Variants in LIN52 observed in about 807,000 individuals in gnomAD.
LIN52 encodes protein lin-52 homolog.
Under a neutral mutation model 18.5 loss-of-function variants are expected in LIN52, and 4 were observed. The observed-to-expected ratio is 0.22, with a 90% CI of 0.11 to 0.49. The LOEUF is 0.49. Among genes scored for constraint, LIN52 ranks in the 20% least tolerant of loss-of-function variants. The pLI is 0.97. For missense variants in LIN52, 102 were observed against 139.5 expected (o/e 0.73, Z 1.35); for synonymous variants, 34 against 45.5 (o/e 0.75, Z 1.02).
chr14:74,114,027 C>T, intron 5 of LIN52: 1 of 350,700 alleles, frequency 2.9e-6, no homozygotes, highest in Non-Finnish European at 4.0e-6. Flanking sequence ...GTCACCCAGG[C>T]TGGAGTGCAA....
At chr14:74,193,971 T>A (rs183788717) in intron 5 of LIN52, among the ~76,000 whole-genome samples, 47 of 152,372 alleles carry the variant, frequency 3.1e-4, no homozygotes, top group Non-Finnish European at 2.1e-4. Context: ...GCATTGGAAT[T>A]GAAAAACTGA....
Position 74,199,148 on chromosome 14 carries a change from AGAG to A in LIN52, c.*172_*174del. On this transcript the variant is annotated 3_prime_UTR_variant, in exon 6 of 6. Transcript: ENST00000555028. ...ACACGTCTGAGGACATTCAGCAGCA[AGAG>A]AAGAATCTGCTCTACCCAAGGATCA... 1 of 542,396 alleles carries A rather than the reference AGAG, an allele frequency of 1.8e-6. No homozygotes were observed. The highest frequency in any genetic ancestry group is 3.3e-6 in the Non-Finnish European group (1 of 305,916). 33.6% of individuals were successfully genotyped at this position (542,396 alleles called of 1,614,324 possible).
intron 5 of LIN52, among the ~76,000 whole-genome samples, chr14:74,150,319 A>T (rs1243283881): frequency 6.6e-6 from 1 of 152,250 alleles, no homozygotes; most frequent in African/African-American, 2.4e-5. Flanking sequence ...ATTGATAAAG[A>T]ACATAGTAGA....
intron 5 of LIN52, among the ~76,000 whole-genome samples, chr14:74,124,810 CAA>C (rs5809648): frequency 2.2e-4 from 13 of 59,440 alleles, no homozygotes; most frequent in Admixed American, 6.1e-4. Context: ...GACCCTGTCT[CAA>C]AAAAAAAAAA....
intron 5 of LIN52, among the ~76,000 whole-genome samples, chr14:74,136,146 A>G (rs1355823722): frequency 6.6e-6 from 1 of 152,260 alleles, no homozygotes; most frequent in Non-Finnish European, 1.5e-5. Flanking sequence ...CAAAACCTAG[A>G]GTTATTGTGC....
chr14:74,095,018 C>T (rs2060798858), intron 2 of LIN52, among the ~76,000 whole-genome samples: 1 of 151,412 alleles, frequency 6.6e-6, no homozygotes, highest in South Asian at 2.1e-4. Flanking sequence ...CTCATCCTAT[C>T]ACCCAGGCTA....
chr14:74,146,869 A>G (rs1052875109), intron 5 of LIN52, among the ~76,000 whole-genome samples: 16 of 152,074 alleles, frequency 1.1e-4, no homozygotes, highest in Admixed American at 1.0e-3. Context: ...CCAGAAATAA[A>G]CCCCCATATT....
chr14:74,167,051 A>AT (rs1321839760), intron 5 of LIN52, among the ~76,000 whole-genome samples: 1 of 149,012 alleles, frequency 6.7e-6, no homozygotes, highest in African/African-American at 2.5e-5. Context: ...CAAGGCATGT[A>AT]TCCCCAAACC....
chr14:74,174,100 A>G (rs890323973), intron 5 of LIN52, among the ~76,000 whole-genome samples: 1 of 152,210 alleles, frequency 6.6e-6, no homozygotes, highest in Non-Finnish European at 1.5e-5. Context: ...AGCTCTAGAC[A>G]TCTCCCACTT....
intron 5 of LIN52, among the ~76,000 whole-genome samples, chr14:74,135,869 A>G (rs909985332): frequency 6.6e-6 from 1 of 151,546 alleles, no homozygotes; most frequent in African/African-American, 2.4e-5. Flanking sequence ...CACTTTGTTG[A>G]GATATCATTC....
intron 2 of LIN52, among the ~76,000 whole-genome samples, chr14:74,092,615 T>C (rs1192172095): frequency 6.6e-6 from 1 of 151,418 alleles, no homozygotes; most frequent in African/African-American, 2.4e-5. Flanking sequence ...CATTAATTAC[T>C]TTTTAAAACT....
intron 5 of LIN52, among the ~76,000 whole-genome samples, chr14:74,188,135 G>A (rs2061348389): frequency 1.3e-5 from 2 of 152,098 alleles, no homozygotes; most frequent in South Asian, 4.2e-4. Flanking sequence ...GAGATTTTTT[G>A]TATGTGCTTT....
intron 5 of LIN52, among the ~76,000 whole-genome samples, chr14:74,119,160 C>CTTTTTTTTTT (rs543503099): frequency 8.7e-6 from 1 of 115,446 alleles, no homozygotes; most frequent in East Asian, 2.5e-4. Context: ...GATTTTCTTT[C>CTTTTTTTTTT]TTTTTTTTTT....
chr14:74,088,764 G>A (rs2060751899), intron 1 of LIN52, among the ~76,000 whole-genome samples: 1 of 152,170 alleles, frequency 6.6e-6, no homozygotes, highest in African/African-American at 2.4e-5. Flanking sequence ...CAGAGATGTG[G>A]TTACCCAGAA....
intron 5 of LIN52, among the ~76,000 whole-genome samples, chr14:74,174,125 A>G (rs953531591): frequency 6.6e-6 from 1 of 152,196 alleles, no homozygotes; most frequent in Non-Finnish European, 1.5e-5. Context: ...AAGGAGCTTT[A>G]TTGAGATATT....
chr14:74,145,840 A>T (rs2061150883), intron 5 of LIN52, among the ~76,000 whole-genome samples: 1 of 152,184 alleles, frequency 6.6e-6, no homozygotes, highest in Non-Finnish European at 1.5e-5. Flanking sequence ...CCAGTCCAAA[A>T]CACCTTGCCC....
At chr14:74,122,727 A>G (rs2061007132) in intron 5 of LIN52, among the ~76,000 whole-genome samples, 2 of 152,254 alleles carry the variant, frequency 1.3e-5, no homozygotes, top group Admixed American at 6.5e-5. Flanking sequence ...TTAGCTGGGT[A>G]TGGTGGCAGG....
intron 5 of LIN52, among the ~76,000 whole-genome samples, chr14:74,122,141 A>T (rs2061003826): frequency 6.6e-6 from 1 of 152,218 alleles, no homozygotes; most frequent in Admixed American, 6.5e-5. Flanking sequence ...CAAAAAGGAG[A>T]ATATTGCTAA....
chr14:74,149,054 A>G (rs1751374791), intron 5 of LIN52, among the ~76,000 whole-genome samples: 1 of 152,206 alleles, frequency 6.6e-6, no homozygotes, highest in Non-Finnish European at 1.5e-5. Flanking sequence ...TACATGTTAA[A>G]TGTTAACTTC....
Sources: gnomAD v4.1 joint callset for allele counts (sites outside exome capture counted in the v4.1 genomes callset) on GRCh38, gnomAD v4.1.1 for gene constraint, MANE v1.5 for transcripts, NCBI Gene and HGNC (gene_info 2026-07-23, HGNC 2026-07-21) for gene names.